The following GRID2 variants were observed in gnomAD, a reference collection of about 807,000 sequenced individuals.
The protein encoded by GRID2 is glutamate receptor ionotropic, delta-2.
Under a neutral mutation model 114.8 loss-of-function variants are expected in GRID2, and 33 were observed. The observed-to-expected ratio is 0.29, with a 90% CI of 0.22 to 0.38. The LOEUF is 0.38. Ranked by LOEUF, GRID2 falls within the 10% of genes least tolerant of loss-of-function variation. The pLI, the probability that GRID2 is intolerant of heterozygous loss-of-function variation, is 1.00. For missense variants in GRID2, 1,184 were observed against 1,257.7 expected, an observed-to-expected ratio of 0.94 and a Z score of 0.89; for synonymous variants, 505 against 449.9, an observed-to-expected ratio of 1.12 and a Z score of -1.55.
chr4:93,121,289 A>G (rs1286974396), intron 4 of GRID2, among the ~76,000 whole-genome samples: 1 of 152,182 alleles, frequency 6.6e-6, no homozygotes, highest in East Asian at 1.9e-4. Flanking sequence ...AAGAAACAGA[A>G]CATAACTAGC....
intron 2 of GRID2, among the ~76,000 whole-genome samples, chr4:93,046,528 TA>T (rs1726153033): frequency 1.3e-5 from 2 of 152,118 alleles, no homozygotes; most frequent in Non-Finnish European, 2.9e-5. Context: ...GAAACAAATT[TA>T]ATTACATTTC....
chr4:92,523,047 G>A (rs1198881007), intron 1 of GRID2, among the ~76,000 whole-genome samples: 1 of 151,964 alleles, frequency 6.6e-6, no homozygotes, highest in East Asian at 1.9e-4. Flanking sequence ...AGGGAGAACA[G>A]TTAATAGTTT....
chr4:93,044,370 C>G (rs895492425), intron 2 of GRID2, among the ~76,000 whole-genome samples: 11 of 148,738 alleles, frequency 7.4e-5, no homozygotes, highest in African/African-American at 2.7e-4. Context: ...TAAAAAGCAT[C>G]TTTTTTTTTT....
intron 2 of GRID2, among the ~76,000 whole-genome samples, chr4:92,937,184 A>G (rs965175296): frequency 2.0e-5 from 3 of 146,522 alleles, no homozygotes; most frequent in Non-Finnish European, 3.0e-5. Context: ...GATACACAAA[A>G]TATTTTAACT....
At chr4:93,019,370 G>A (rs1217440540) in intron 2 of GRID2, among the ~76,000 whole-genome samples, 1 of 152,066 alleles carries the variant, frequency 6.6e-6, no homozygotes, top group African/African-American at 2.4e-5. Context: ...TTTTCAAGCT[G>A]TCTTCTAAGA....
In GRID2 at chr4:92,929,376, T is replaced by C. The variant is rs748153441; in HGVS notation, c.245-155619T>C. ...TTCTCATTTTATATAACACCTATAT[T>C]TTGATTAAAAAAATTATTTCTTCTT... On this transcript the variant is annotated intron_variant, in intron 2 of 15. Transcript: ENST00000282020. 1.2e-3 allele frequency among the ~76,000 whole-genome samples: 180 copies of C among 151,410 alleles called. 1 individual carries two copies. Among genetic ancestry groups the C allele is most frequent in the East Asian group, 5.8e-4 (3 of 5,178 alleles).
intron 8 of GRID2, among the ~76,000 whole-genome samples, chr4:93,324,640 C>T (rs1261380854): frequency 6.6e-6 from 1 of 152,002 alleles, no homozygotes; most frequent in Non-Finnish European, 1.5e-5. Context: ...CCTCTGGTAG[C>T]ATTCGGCTGT....
At chr4:93,000,570 G>A (rs981751783) in intron 2 of GRID2, among the ~76,000 whole-genome samples, 6 of 151,460 alleles carry the variant, frequency 4.0e-5, no homozygotes, top group African/African-American at 1.5e-4. Flanking sequence ...AAATTAAAAT[G>A]TTATTTTGTT....
chr4:93,407,833 TC>T (rs1766678322), intron 9 of GRID2, among the ~76,000 whole-genome samples: 1 of 144,278 alleles, frequency 6.9e-6, no homozygotes, highest in African/African-American at 2.6e-5. Context: ...CTTCTCCTCC[TC>T]CTCCTCCTCC....
At chr4:93,409,821 T>G (rs1304370288) in intron 9 of GRID2, among the ~76,000 whole-genome samples, 1 of 152,194 alleles carries the variant, frequency 6.6e-6, no homozygotes, top group Non-Finnish European at 1.5e-5. Context: ...AACTTCAAAC[T>G]TTTTTCCTCT....
chr4:92,877,739 G>C (rs1439845381), intron 2 of GRID2, among the ~76,000 whole-genome samples: 2 of 152,168 alleles, frequency 1.3e-5, no homozygotes, highest in Non-Finnish European at 2.9e-5. Flanking sequence ...AAAGTGGTTT[G>C]TAAGTCCATG....
intron 2 of GRID2, among the ~76,000 whole-genome samples, chr4:93,013,662 T>C (rs1265711577): frequency 6.6e-6 from 1 of 152,048 alleles, no homozygotes; most frequent in Admixed American, 6.6e-5. Flanking sequence ...TAATTCATAC[T>C]TTGTGACTCC....
rs905096616 is a variant in GRID2 at position 93,644,168 on chromosome 4, G to A, written c.2360+17733G>A. On this transcript the variant is annotated intron_variant, in intron 14 of 15. Coordinates refer to ENST00000282020, the MANE Select transcript of GRID2 (RefSeq NM_001510.4). ...GTGAGGCAATGCCTCGCCCTGCTTCGGCTCGCGCACGGTGCGCACACACAC... is the reference window on the plus strand; with the variant it reads ...GTGAGGCAATGCCTCGCCCTGCTTCAGCTCGCGCACGGTGCGCACACACAC... Among the ~76,000 whole-genome samples the A allele has an allele frequency of 3.7e-4, 33 of 88,338 alleles. 13 individuals are homozygous for A. Among genetic ancestry groups the A allele is most frequent in the African/African-American group, 2.0e-3 (29 of 14,514 alleles). 58.0% of individuals were successfully genotyped at this position (88,338 alleles called of 152,430 possible). A position where few individuals can be genotyped will look rare whatever the true frequency, so the allele number is the denominator to read the frequency against.
intron 4 of GRID2, among the ~76,000 whole-genome samples, chr4:93,137,219 G>A (rs1389571312): frequency 6.6e-6 from 1 of 152,134 alleles, no homozygotes; most frequent in Non-Finnish European, 1.5e-5. Context: ...CTCATCTTAA[G>A]CAGATGGTTA....
intron 2 of GRID2, among the ~76,000 whole-genome samples, chr4:92,624,519 C>G (rs1427172740): frequency 6.6e-6 from 1 of 151,740 alleles, no homozygotes; most frequent in South Asian, 2.1e-4. Context: ...TGATGGAATG[C>G]TCGTATTGAA....
At position 93,672,577 on chromosome 4, in the gene GRID2, A is replaced by G. The variant is rs548016341; in HGVS notation, c.2360+46142A>G. On this transcript the variant is annotated intron_variant, in intron 14 of 15. Transcript: ENST00000282020. ...TATTAACTGTTTCACATTTGCCATC[A>G]TTGATCATTCTGTGCAATTATAATT... Among the ~76,000 whole-genome samples the G allele has an allele frequency of 5.3e-5, 8 of 152,308 alleles. No homozygotes were observed. In the South Asian group the frequency reaches 1.7e-3, roughly 32 times the overall value.
In GRID2 at chr4:93,726,814, G is replaced by A. The variant is rs556080334; in HGVS notation, c.2361-42396G>A. On this transcript the variant is annotated intron_variant, in intron 14 of 15. Coordinates refer to ENST00000282020, the MANE Select transcript of GRID2 (RefSeq NM_001510.4). The stretch of plus-strand genomic sequence containing the variant: ...CTGTTATTGGTGTATAAGAATGCTT[G>A]TGATTTTTGTACATTGATTTTGTAT... Among the ~76,000 whole-genome samples, 814 of 152,270 alleles carry A rather than the reference G, an allele frequency of 5.3e-3. 7 individuals carry two copies. Among genetic ancestry groups the A allele is most frequent in the African/African-American group, 0.019 (769 of 41,540 alleles).
chr4:93,270,181 G>A (rs1297570208), intron 8 of GRID2, among the ~76,000 whole-genome samples: 1 of 147,378 alleles, frequency 6.8e-6, no homozygotes, highest in Non-Finnish European at 1.5e-5. Context: ...AAGCAGATAG[G>A]ACTTCAATAT....
intron 4 of GRID2, among the ~76,000 whole-genome samples, chr4:93,170,939 G>A (rs762952007): frequency 2.7e-4 from 41 of 151,394 alleles, no homozygotes; most frequent in Non-Finnish European, 4.0e-4. Context: ...ATGTCTGCTC[G>A]GTACTTCAGC....
Sources: gnomAD v4.1 joint callset for allele counts (sites outside exome capture counted in the v4.1 genomes callset) on GRCh38, gnomAD v4.1.1 for gene constraint, MANE v1.5 for transcripts, NCBI Gene and HGNC (gene_info 2026-07-23, HGNC 2026-07-21) for gene names.